ARHGAP25: variants seen among roughly 807,000 people sequenced by gnomAD.
ARHGAP25 encodes the protein rho GTPase-activating protein 25.
In ARHGAP25, 34 loss-of-function variants were observed where a neutral mutation model predicts 71.0. The observed-to-expected ratio is 0.48, with a 90% confidence interval of 0.36 to 0.64. The LOEUF (loss-of-function observed/expected upper bound fraction) is 0.64, where lower values mean the gene tolerates loss of function less well. Ranked by LOEUF, ARHGAP25 falls within the 30% of genes least tolerant of loss-of-function variation. The pLI is 0.00. For synonymous variants in ARHGAP25, 282 were observed against 296.5 expected (o/e 0.95, Z 0.50); for missense variants, 706 against 805.1 (o/e 0.88, Z 1.49).
chr2:68,807,518 C>G (rs371595210), intron 5 of ARHGAP25, 38 bp downstream of exon 5: 81 of 1,596,412 alleles, frequency 5.1e-5, no homozygotes, highest in Middle Eastern at 3.8e-4. Flanking sequence ...CTCTGCCCTC[C>G]CCTCTGCTTG....
intron 2 of ARHGAP25, among the ~76,000 whole-genome samples, chr2:68,717,897 G>C (rs1021005158): frequency 2.0e-5 from 3 of 152,008 alleles, no homozygotes; most frequent in Non-Finnish European, 2.9e-5. Flanking sequence ...TTCATAAAAA[G>C]AGCTCTGTTT....
At chr2:68,712,899 T>C (rs1307305794) in intron 2 of ARHGAP25, among the ~76,000 whole-genome samples, 2 of 152,200 alleles carry the variant, frequency 1.3e-5, no homozygotes, top group Non-Finnish European at 2.9e-5. Context: ...CCATGTTGTT[T>C]TGGTTACTGT....
chr2:68,789,048 T>C (rs891033602), intron 4 of ARHGAP25, among the ~76,000 whole-genome samples: 1 of 151,998 alleles, frequency 6.6e-6, no homozygotes, highest in Non-Finnish European at 1.5e-5. Context: ...TTTTTTTTTT[T>C]CCGAGACGGA....
Position 68,728,276 on chromosome 2 carries a change from A to T in ARHGAP25, c.-18+17578A>T, listed in dbSNP as rs1232200406. On this transcript the variant is annotated intron_variant and NMD_transcript_variant, in intron 2 of 7. Transcript: ENST00000463483. ...CAAATCAAAACCCCAATGAGATAAT[A>T]ACATTTCATCCTAACCATCCACTAG... is the stretch of plus-strand genomic sequence containing the variant. Among the ~76,000 whole-genome samples, 6 of 152,238 alleles carry T rather than the reference A, an allele frequency of 3.9e-5. No individual in the cohort carries two copies. In the South Asian group the frequency reaches 1.0e-3, roughly 26 times the overall value.
chr2:68,719,020 C>G (rs1245433899), intron 2 of ARHGAP25, among the ~76,000 whole-genome samples: 1 of 152,106 alleles, frequency 6.6e-6, no homozygotes, highest in Admixed American at 6.5e-5. Flanking sequence ...TTTTGGAGAG[C>G]TCTGGGGTTG....
chr2:68,815,443 C>CTTTT (rs796100406), intron 6 of ARHGAP25, among the ~76,000 whole-genome samples: 2,340 of 62,300 alleles, frequency 0.038, 216 homozygotes, highest in Middle Eastern at 0.068. Flanking sequence ...TGTGTACTCT[C>CTTTT]TTTTTTTTTT....
chr2:68,732,147 C>A (rs1178013342), upstream of ARHGAP25, among the ~76,000 whole-genome samples: 1 of 152,168 alleles, frequency 6.6e-6, no homozygotes, highest in Non-Finnish European at 1.5e-5. Flanking sequence ...GAGCGCAGTA[C>A]CCAGTTGACT....
chr2:68,782,131 A>T (rs879243056), intron 2 of ARHGAP25, 102 bp from the exon 3 acceptor site: 2 of 1,043,390 alleles, frequency 1.9e-6, no homozygotes, highest in Non-Finnish European at 2.9e-6. Context: ...CTATCCTCCT[A>T]CTCTCCTCCC....
In ARHGAP25 at chr2:68,767,812, G is replaced by A. The variant is rs1410056575; in HGVS notation, c.62-7409G>A. ...TTTTCGAGGCCTGCTGAGCCTTGCAGAGCATACACTGGCGGAAATAGCACA... is the reference window on the plus strand; with the variant it reads ...TTTTCGAGGCCTGCTGAGCCTTGCAAAGCATACACTGGCGGAAATAGCACA... On this transcript the variant is annotated intron_variant, in intron 1 of 10. Coordinates refer to ENST00000409202, the MANE Select transcript of ARHGAP25 (RefSeq NM_001007231.3). The surrounding 1 kb of genome is among the most constrained non-coding windows in gnomAD (Gnocchi z 4.6). Among the ~76,000 whole-genome samples the A allele has an allele frequency of 6.6e-6, 1 of 152,222 alleles. No homozygotes were observed. The highest frequency in any genetic ancestry group is 2.4e-5 in the African/African-American group (1 of 41,454).
intron 5 of ARHGAP25, among the ~76,000 whole-genome samples, chr2:68,809,785 T>C (rs1680644054): frequency 6.6e-6 from 1 of 152,124 alleles, no homozygotes; most frequent in African/African-American, 2.4e-5. Context: ...ATGTGCTGGA[T>C]TCCACCCCAA....
At chr2:68,824,192 C>G (rs1430708557) in intron 10 of ARHGAP25, among the ~76,000 whole-genome samples, 1 of 152,192 alleles carries the variant, frequency 6.6e-6, no homozygotes, top group Non-Finnish European at 1.5e-5. Flanking sequence ...AAAGCAGTCC[C>G]ATAGAAGGCA....
At chr2:68,797,728 G>T (rs1026080142) in intron 4 of ARHGAP25, among the ~76,000 whole-genome samples, 8 of 152,228 alleles carry the variant, frequency 5.3e-5, no homozygotes, top group African/African-American at 1.7e-4. Context: ...TTCAAAAAGG[G>T]TGTAGGACAT....
intron 10 of ARHGAP25, among the ~76,000 whole-genome samples, chr2:68,825,119 T>A (rs1682018558): frequency 6.6e-6 from 1 of 152,212 alleles, no homozygotes; most frequent in Non-Finnish European, 1.5e-5. Context: ...CCACAGATTT[T>A]TCACCTGGCA....
At chr2:68,729,509 C>A (rs533994276) in intron 2 of ARHGAP25, among the ~76,000 whole-genome samples, 1 of 152,298 alleles carries the variant, frequency 6.6e-6, no homozygotes, top group East Asian at 1.9e-4. Flanking sequence ...ACATCGACAC[C>A]TAGACACATC....
intron 2 of ARHGAP25, among the ~76,000 whole-genome samples, chr2:68,715,358 G>A (rs1674583812): frequency 6.9e-6 from 1 of 145,340 alleles, no homozygotes; most frequent in South Asian, 2.3e-4. Flanking sequence ...TCAAGTTTGA[G>A]AAGCCCCGTT....
intron 1 of ARHGAP25, among the ~76,000 whole-genome samples, chr2:68,749,074 G>A (rs978645622): frequency 2.6e-5 from 4 of 151,596 alleles, no homozygotes; most frequent in Admixed American, 6.6e-5. Flanking sequence ...AGAGAGAGAG[G>A]GAGAGAGATA....
chr2:68,790,740 C>T lies in ARHGAP25; in HGVS notation c.466+2784C>T, dbSNP rs149652290. Among the ~76,000 whole-genome samples the T allele has an allele frequency of 5.8e-4, 88 of 152,318 alleles. 1 individual carries two copies. In the East Asian group the frequency reaches 0.015, roughly 26 times the overall value. On this transcript the variant is annotated intron_variant, in intron 4 of 10. Coordinates refer to ENST00000409202, the MANE Select transcript of ARHGAP25 (RefSeq NM_001007231.3). Reference sequence around the variant, plus strand: ...TGAAACTCATCTCCACACGTTCACCCCTGCCTTCTTACAGTCTGTTTTCGA... The same window carrying T: ...TGAAACTCATCTCCACACGTTCACCTCTGCCTTCTTACAGTCTGTTTTCGA...
At chr2:68,801,944 C>G (rs1363098369) in intron 4 of ARHGAP25, among the ~76,000 whole-genome samples, 1 of 152,082 alleles carries the variant, frequency 6.6e-6, no homozygotes, top group East Asian at 1.9e-4. Flanking sequence ...CTTTCATACT[C>G]TCTAACTATC....
At chr2:68,792,066 C>T (rs1437214814) in intron 4 of ARHGAP25, among the ~76,000 whole-genome samples, 4 of 152,160 alleles carry the variant, frequency 2.6e-5, no homozygotes, top group African/African-American at 9.7e-5. Context: ...GTCCCTGTCC[C>T]GTCTCCAGGG....
Sources: allele counts gnomAD v4.1 joint callset (sites outside exome capture counted in the v4.1 genomes callset), GRCh38; gene constraint gnomAD v4.1.1; non-coding constraint Gnocchi (gnomAD v3.1); transcripts MANE v1.5; gene names NCBI Gene and HGNC (gene_info 2026-07-23, HGNC 2026-07-21).